Variants in DNTT observed in about 807,000 individuals in gnomAD.
The protein encoded by DNTT is nucleosidetriphosphate:DNA deoxynucleotidylexotransferase.
Under a neutral mutation model 60.9 loss-of-function variants are expected in DNTT, and 47 were observed. The observed-to-expected ratio is 0.77, with a 90% CI of 0.61 to 0.98. The LOEUF (loss-of-function observed/expected upper bound fraction) is 0.98. Among genes scored for constraint, DNTT ranks in the 50% least tolerant of loss-of-function variants. DNTT has a pLI of 0.00. For missense variants in DNTT, 665 were observed against 627.5 expected (o/e 1.06, Z -0.64); for synonymous variants, 224 against 221.2 (o/e 1.01, Z -0.11).
At position 96,309,545 on chromosome 10, in the gene DNTT, A is replaced by C. The variant is rs12571207; in HGVS notation, c.203+4845A>C. Among the ~76,000 whole-genome samples, 64 of 152,174 alleles carry C rather than the reference A, an allele frequency of 4.2e-4. No homozygotes were observed. The East Asian group carries it at 0.01, about 25-fold the overall frequency. ...GTATTATTTTGGTCTAGTTTTATCT[A>C]AACTGGCTGCTTGCCCTTTCCATTC... On this transcript the variant is annotated intron_variant, in intron 1 of 10. Coordinates refer to ENST00000371174, the MANE Select transcript of DNTT (RefSeq NM_004088.4).
intron 4 of DNTT, 47 bp from the exon 5 acceptor site, chr10:96,322,610 A>G: frequency 2.7e-6 from 4 of 1,486,784 alleles, no homozygotes; most frequent in Non-Finnish European, 3.7e-6. Context: ...CTTAGACAGT[A>G]ATTGTCCAAC....
rs1481582319 is a variant in DNTT, at chr10:96,338,425, G to C, written c.*201G>C. On this transcript the variant is annotated 3_prime_UTR_variant, in exon 11 of 11. Coordinates refer to ENST00000371174, the MANE Select transcript of DNTT (RefSeq NM_004088.4). Reference sequence around the variant, plus strand: ...GTTCTAATAGGCCATGTTTATGACTGTTGCATAGAATTCACAATGCATTTT... The same window carrying C: ...GTTCTAATAGGCCATGTTTATGACTCTTGCATAGAATTCACAATGCATTTT... The C allele has an allele frequency of 2.3e-6, 1 of 438,980 alleles. No homozygotes were observed. Among genetic ancestry groups the C allele is most frequent in the Non-Finnish European group, 4.0e-6 (1 of 248,048 alleles). 27.2% of individuals were successfully genotyped at this position (438,980 alleles called of 1,614,324 possible).
At position 96,325,094 on chromosome 10, in the gene DNTT, G is replaced by C. The variant is rs1242500393; in HGVS notation, c.874+705G>C. Among the ~76,000 whole-genome samples, 4 of 152,248 alleles carry C rather than the reference G, an allele frequency of 2.6e-5. No homozygotes were observed. In the East Asian group the frequency reaches 7.7e-4, roughly 29 times the overall value. On this transcript the variant is annotated intron_variant, in intron 6 of 10. Transcript: ENST00000371174. ...GTCACTTCCATTTATGAGGCTCCCA[G>C]TAAGTTTTTTAAAAATGAAGGAATG...
chr10:96,320,283 A>G (rs1844850957), intron 3 of DNTT, among the ~76,000 whole-genome samples: 1 of 152,238 alleles, frequency 6.6e-6, no homozygotes, highest in Non-Finnish European at 1.5e-5. Flanking sequence ...GCCACAGGCT[A>G]GTGGGAAGAT....
chr10:96,334,549 A>G (rs1282621751), intron 9 of DNTT, among the ~76,000 whole-genome samples: 1 of 152,222 alleles, frequency 6.6e-6, no homozygotes, highest in Non-Finnish European at 1.5e-5. Flanking sequence ...GATGAATGAC[A>G]CAACACAAAT....
At chr10:96,327,029 A>G (rs1844944863) in intron 6 of DNTT, among the ~76,000 whole-genome samples, 1 of 152,236 alleles carries the variant, frequency 6.6e-6, no homozygotes, top group Non-Finnish European at 1.5e-5. Context: ...GCCTTGCTTC[A>G]GACACACATC....
chr10:96,306,472 G>T (rs779504102), intron 1 of DNTT: 1 of 152,220 alleles, frequency 6.6e-6, no homozygotes, highest in African/African-American at 2.4e-5. Flanking sequence ...TTTGACAAGG[G>T]TTAGGCAGGA....
At chr10:96,313,814 G>A (rs1844750323) in intron 1 of DNTT, among the ~76,000 whole-genome samples, 1 of 152,236 alleles carries the variant, frequency 6.6e-6, no homozygotes, top group Admixed American at 6.5e-5. Flanking sequence ...GCAGGGCTGT[G>A]TCCAGAGGAA....
chr10:96,333,121 C>G (rs997440913), intron 9 of DNTT, among the ~76,000 whole-genome samples: 2 of 152,128 alleles, frequency 1.3e-5, no homozygotes, highest in African/African-American at 4.8e-5. Flanking sequence ...GACTCAATAA[C>G]AAGAAAACAA....
chr10:96,328,464 G>A (rs187423242), intron 7 of DNTT, among the ~76,000 whole-genome samples: 2 of 152,264 alleles, frequency 1.3e-5, no homozygotes, highest in East Asian at 1.9e-4. Flanking sequence ...TTGTGTGAGT[G>A]TGTAGAATAA....
At position 96,320,792 on chromosome 10, in the gene DNTT, AG is replaced by A; in HGVS notation, c.678+7del. 3 of 1,613,364 alleles carry A rather than the reference AG, an allele frequency of 1.9e-6. No individual in the cohort carries two copies. Among genetic ancestry groups the A allele is most frequent in the African/African-American group, 2.7e-5 (2 of 74,994 alleles). The stretch of plus-strand genomic sequence containing the variant: ...CAAGGTGAAGGGTATCATAGAGGTA[AG>A]GGTGAAATGGGATTTGTCCCACTTC... On this transcript the variant is annotated splice_donor_5th_base_variant and intron_variant, in intron 4 of 10. Transcript: ENST00000371174.
Position 96,335,903 on chromosome 10 carries a change from G to C in DNTT, c.1372G>C (p.Asp458His), listed in dbSNP as rs762023573. The C allele has an allele frequency of 6.2e-7, 1 of 1,614,206 alleles. No individual in the cohort carries two copies. Among genetic ancestry groups the C allele is most frequent in the South Asian group, 1.1e-5 (1 of 91,084 alleles). Reference sequence around the variant, plus strand: ...ATCTCCTATCCAGCAGTTTGAGAGAGACCTCCGGCGCTATGCCACACATGA... The same window carrying C: ...ATCTCCTATCCAGCAGTTTGAGAGACACCTCCGGCGCTATGCCACACATGA... Reference protein sequence around the residue: ...GWTGSRQFERDLRRYATHERK... With the variant: ...GWTGSRQFERHLRRYATHERK... Residue 458 changes from aspartate to histidine, a missense_variant, in exon 10 of 11, where the codon GAC becomes CAC. By Grantham distance (81) the Asp-to-His change is moderately conservative. Coordinates refer to ENST00000371174, the MANE Select transcript of DNTT (RefSeq NM_004088.4).
chr10:96,309,608 A>G (rs1589368705), intron 1 of DNTT, among the ~76,000 whole-genome samples: 2 of 152,176 alleles, frequency 1.3e-5, no homozygotes, highest in East Asian at 1.9e-4. Context: ...ATTCTGTCTC[A>G]CTCATTATCC....
intron 9 of DNTT, 49 bp downstream of exon 9, chr10:96,332,645 T>C (rs751124917): frequency 2.5e-6 from 4 of 1,594,964 alleles, no homozygotes; most frequent in Non-Finnish European, 3.4e-6. Context: ...CTGAAAGACG[T>C]AGGCCGAGTC....
At chr10:96,329,894 C>T (rs1341034577) in intron 8 of DNTT, among the ~76,000 whole-genome samples, 2 of 152,148 alleles carry the variant, frequency 1.3e-5, no homozygotes, top group East Asian at 3.8e-4. Flanking sequence ...CTCCCTCCTG[C>T]CCCACAGCTC....
intron 1 of DNTT, among the ~76,000 whole-genome samples, chr10:96,308,933 G>A (rs1356087855): frequency 1.3e-5 from 2 of 152,206 alleles, no homozygotes; most frequent in African/African-American, 2.4e-5. Flanking sequence ...CTTCTTTTGT[G>A]TATCTTCAGT....
intron 1 of DNTT, among the ~76,000 whole-genome samples, chr10:96,310,218 G>C (rs190560099): frequency 1.3e-5 from 2 of 152,122 alleles, no homozygotes; most frequent in Non-Finnish European, 2.9e-5. Flanking sequence ...AAACACTGGG[G>C]CCTCTTTCCT....
chr10:96,320,778 G>C lies in DNTT; in HGVS notation c.668G>C (p.Gly223Ala). Residue 223 changes from glycine (G) to alanine (A), a missense_variant, in exon 4 of 11, where the codon GGT becomes GCT. Gly to Ala is a moderately conservative substitution (Grantham distance 60). Transcript: ENST00000371174. The stretch of plus-strand genomic sequence containing the variant: ...CCCTGCCTGGGGTCCAAGGTGAAGG[G>C]TATCATAGAGGTAAGGGTGAAATGG... ...GIPCLGSKVK[G>A]IIEEIIEDGE... The C allele has an allele frequency of 1.2e-6, 2 of 1,613,634 alleles. No homozygotes were observed. Among genetic ancestry groups the C allele is most frequent in the Non-Finnish European group, 1.7e-6 (2 of 1,179,660 alleles).
At chr10:96,317,755 C>T (rs1844804294) in intron 1 of DNTT, among the ~76,000 whole-genome samples, 1 of 152,184 alleles carries the variant, frequency 6.6e-6, no homozygotes, top group African/African-American at 2.4e-5. Flanking sequence ...TATCTGCCGA[C>T]CCCTTGATCA....
Sources: gnomAD v4.1 joint callset for allele counts (sites outside exome capture counted in the v4.1 genomes callset) on GRCh38, gnomAD v4.1.1 for gene constraint, MANE v1.5 for transcripts, NCBI Gene and HGNC (gene_info 2026-07-23, HGNC 2026-07-21) for gene names.